CRTAC1: variants seen among roughly 807,000 people sequenced by gnomAD.
CRTAC1 encodes the protein acidic secreted protein in cartilage.
In CRTAC1, 37 loss-of-function variants were observed where a neutral mutation model predicts 67.8. That is an observed-to-expected ratio of 0.55 (90% CI 0.42 to 0.72). The LOEUF (loss-of-function observed/expected upper bound fraction) is 0.72, where lower values mean the gene tolerates loss of function less well. Among genes scored for constraint, CRTAC1 ranks in the 30% least tolerant of loss-of-function variants. The pLI is 0.00. For synonymous variants in CRTAC1, 348 were observed against 371.0 expected (o/e 0.94, Z 0.71); for missense variants, 780 against 931.6 (o/e 0.84, Z 2.12).
At chr10:97,900,450 C>T (rs563078999) in intron 8 of CRTAC1, among the ~76,000 whole-genome samples, 27 of 151,954 alleles carry the variant, frequency 1.8e-4, no homozygotes, top group Non-Finnish European at 3.5e-4. Flanking sequence ...GACCCCGTAG[C>T]CCCTTTCTGT....
intron 8 of CRTAC1, 116 bp downstream of exon 8, chr10:97,901,387 G>C: frequency 8.0e-7 from 1 of 1,254,694 alleles, no homozygotes. Flanking sequence ...TGTTGACCTT[G>C]GCCTGACCCC....
chr10:98,024,024 C>T (rs1478320338), intron 1 of CRTAC1, among the ~76,000 whole-genome samples: 2 of 152,226 alleles, frequency 1.3e-5, no homozygotes, highest in Non-Finnish European at 2.9e-5. Context: ...TTAAAATTTG[C>T]ACAACATGAT....
At chr10:97,988,403 G>T (rs2052019830) in intron 2 of CRTAC1, among the ~76,000 whole-genome samples, 1 of 152,202 alleles carries the variant, frequency 6.6e-6, no homozygotes, top group Admixed American at 6.5e-5. Context: ...GATCTCATGG[G>T]TAGACACAAG....
intron 14 of CRTAC1, chr10:97,875,953 C>T (rs1378795437): frequency 6.6e-6 from 1 of 152,210 alleles, no homozygotes; most frequent in Non-Finnish European, 1.5e-5. Flanking sequence ...CATTCTGCCT[C>T]AGTGAAGGTT....
At chr10:97,883,465 A>C (rs945836818) in intron 12 of CRTAC1, among the ~76,000 whole-genome samples, 1 of 152,230 alleles carries the variant, frequency 6.6e-6, no homozygotes, top group Non-Finnish European at 1.5e-5. Flanking sequence ...AACGTAACAC[A>C]CATGACACAA....
intron 4 of CRTAC1, among the ~76,000 whole-genome samples, chr10:97,920,376 T>C (rs2050819428): frequency 1.3e-5 from 2 of 152,236 alleles, no homozygotes; most frequent in South Asian, 4.1e-4. Context: ...AACTTGACCA[T>C]GGTAATTCTG....
chr10:97,973,590 C>G (rs2051749862), intron 2 of CRTAC1, among the ~76,000 whole-genome samples: 1 of 152,120 alleles, frequency 6.6e-6, no homozygotes. Context: ...CTCCTAGAGC[C>G]CCACCACTAC....
Position 98,030,385 on chromosome 10 carries a change from G to T in CRTAC1, c.24+64C>A, listed in dbSNP as rs1416928323. Reference sequence around the variant, plus strand: ...GCCACCCTTGCGGGCGGATCCGGGGGGGCGCGCAGAGCTGGAGAAACTTTC... The same window carrying T: ...GCCACCCTTGCGGGCGGATCCGGGGTGGCGCGCAGAGCTGGAGAAACTTTC... On this transcript the variant is annotated intron_variant, in intron 1 of 14. Coordinates refer to ENST00000370597, the MANE Select transcript of CRTAC1 (RefSeq NM_018058.7). The surrounding 1 kb of genome is among the most constrained non-coding windows in gnomAD (Gnocchi z 4.2). 12 of 1,046,112 alleles carry T rather than the reference G, an allele frequency of 1.1e-5. No homozygotes were observed. Among genetic ancestry groups the T allele is most frequent in the Non-Finnish European group, 1.4e-5 (11 of 804,032 alleles). 64.8% of individuals were successfully genotyped at this position (1,046,112 alleles called of 1,614,324 possible). A position where few individuals can be genotyped will look rare whatever the true frequency, so the allele number is the denominator to read the frequency against.
intron 3 of CRTAC1, among the ~76,000 whole-genome samples, chr10:97,935,748 G>A (rs2051076491): frequency 6.6e-6 from 1 of 152,178 alleles, no homozygotes; most frequent in Admixed American, 6.5e-5. Flanking sequence ...TTTTAGAAAG[G>A]TCCTCTACAG....
chr10:97,974,365 A>G (rs1320756121), intron 2 of CRTAC1, among the ~76,000 whole-genome samples: 1 of 152,114 alleles, frequency 6.6e-6, no homozygotes, highest in Non-Finnish European at 1.5e-5. Flanking sequence ...CTCAACACCG[A>G]AGTCTGAGGT....
At chr10:97,931,716 A>G (rs1412628263) in intron 3 of CRTAC1, among the ~76,000 whole-genome samples, 1 of 152,224 alleles carries the variant, frequency 6.6e-6, no homozygotes, top group Admixed American at 6.5e-5. Context: ...TGGGGCTCAC[A>G]GTTCACACTG....
At chr10:97,875,970 G>A (rs1318466805) in intron 14 of CRTAC1, 1 of 152,234 alleles carries the variant, frequency 6.6e-6, no homozygotes, top group East Asian at 1.9e-4. Flanking sequence ...GGTTGGCTGA[G>A]CCCGCCTGGC....
chr10:97,936,966 CAGG>C (rs1243310747), intron 2 of CRTAC1, among the ~76,000 whole-genome samples: 4 of 152,118 alleles, frequency 2.6e-5, no homozygotes, highest in African/African-American at 4.8e-5. Flanking sequence ...CCTGGAGGAG[CAGG>C]AGGCTTTGTT....
chr10:97,932,835 A>G (rs113186860), intron 3 of CRTAC1, among the ~76,000 whole-genome samples: 2,787 of 152,204 alleles, frequency 0.018, 89 homozygotes, highest in African/African-American at 0.062. Context: ...TAGATGAGGG[A>G]GTTGAGGCTG....
intron 3 of CRTAC1, among the ~76,000 whole-genome samples, chr10:97,934,234 C>T (rs761502823): frequency 1.1e-4 from 17 of 152,208 alleles, no homozygotes; most frequent in Non-Finnish European, 1.9e-4. Flanking sequence ...CCTTGTCCAA[C>T]GTTAAAGAGT....
chr10:97,988,613 G>A (rs111890785), intron 2 of CRTAC1, among the ~76,000 whole-genome samples: 419 of 152,216 alleles, frequency 2.8e-3, no homozygotes, highest in African/African-American at 9.1e-3. Flanking sequence ...CCAACTACTC[G>A]GGAGGCTGAG....
intron 3 of CRTAC1, among the ~76,000 whole-genome samples, chr10:97,925,774 G>C (rs1028647692): frequency 5.9e-5 from 9 of 152,106 alleles, no homozygotes; most frequent in Non-Finnish European, 1.2e-4. Context: ...TGTGAGCGTA[G>C]AGTGCGCGAG....
In CRTAC1 at chr10:97,879,816, C is replaced by G. The variant is rs2297934; in HGVS notation, c.1819+433G>C. The G allele has an allele frequency of 8.9e-6, 10 of 1,123,690 alleles. No homozygotes were observed. The South Asian group carries it at 1.4e-4, about 16-fold the overall frequency. 69.6% of individuals were successfully genotyped at this position (1,123,690 alleles called of 1,614,324 possible). ...GGCCACTTGAGCTGCAAAAACGATG[C>G]GGCGGGGAGACAGAAAATGGGAAAA... On this transcript the variant is annotated intron_variant, in intron 14 of 14. Coordinates refer to ENST00000370597, the MANE Select transcript of CRTAC1 (RefSeq NM_018058.7).
At chr10:97,912,110 A>G (rs1590203048) in intron 5 of CRTAC1, among the ~76,000 whole-genome samples, 2 of 152,254 alleles carry the variant, frequency 1.3e-5, no homozygotes, top group Admixed American at 6.5e-5. Context: ...CATAAGAGTG[A>G]TAATAATAAT....
Sources: gnomAD v4.1 joint callset for allele counts (sites outside exome capture counted in the v4.1 genomes callset) on GRCh38, gnomAD v4.1.1 for gene constraint, Gnocchi (gnomAD v3.1) non-coding constraint, MANE v1.5 for transcripts, NCBI Gene and HGNC (gene_info 2026-07-23, HGNC 2026-07-21) for gene names.